The following MBD5 variants were observed in gnomAD, a reference collection of about 807,000 sequenced individuals.
MBD5 encodes the protein methyl-CpG-binding domain protein 5.
Under a neutral mutation model 117.3 loss-of-function variants are expected in MBD5, and 13 were observed. The observed-to-expected ratio is 0.11, with a 90% CI of 0.07 to 0.18. The LOEUF (loss-of-function observed/expected upper bound fraction) is 0.18. Ranked by LOEUF, MBD5 falls within the 10% of genes least tolerant of loss-of-function variation. MBD5 has a pLI of 1.00. For missense variants in MBD5, 1,879 were observed against 2,093.8 expected (o/e 0.90, Z 2.00); for synonymous variants, 727 against 766.4 (o/e 0.95, Z 0.85).
At chr2:148,187,077 T>A (rs917062456) in intron 2 of MBD5, among the ~76,000 whole-genome samples, 18 of 152,092 alleles carry the variant, frequency 1.2e-4, no homozygotes, top group African/African-American at 4.3e-4. Flanking sequence ...GAACCGCTGC[T>A]GGGTACAGTG....
intron 3 of MBD5, among the ~76,000 whole-genome samples, chr2:148,321,672 T>C (rs553960714): frequency 6.6e-6 from 1 of 152,310 alleles, no homozygotes; most frequent in East Asian, 1.9e-4. Context: ...GCATCCCCAG[T>C]ACTTTTTTAC....
chr2:148,305,935 A>T (rs973985006), intron 3 of MBD5, among the ~76,000 whole-genome samples: 2 of 152,120 alleles, frequency 1.3e-5, no homozygotes, highest in African/African-American at 2.4e-5. Flanking sequence ...ATTTTTTACA[A>T]TCTCCCCCCT....
intron 12 of MBD5, among the ~76,000 whole-genome samples, chr2:148,507,486 G>T (rs187883991): frequency 9.9e-5 from 15 of 152,146 alleles, no homozygotes; most frequent in African/African-American, 3.1e-4. Context: ...TGGGCCGGGC[G>T]CGGTGGCTCA....
At chr2:148,254,792 T>TA (rs1161063659) in intron 3 of MBD5, among the ~76,000 whole-genome samples, 1 of 152,184 alleles carries the variant, frequency 6.6e-6, no homozygotes, top group Non-Finnish European at 1.5e-5. Flanking sequence ...ACAGTGGTGT[T>TA]ACCACAGTGT....
chr2:148,394,052 CTGATT>C (rs1362555749), intron 4 of MBD5, among the ~76,000 whole-genome samples: 1 of 152,126 alleles, frequency 6.6e-6, no homozygotes, highest in Non-Finnish European at 1.5e-5. Context: ...TACAAATGTT[CTGATT>C]TAAGATATAC....
Position 148,468,636 on chromosome 2 carries a change from A to T in MBD5, c.693A>T (p.Ile231=), listed in dbSNP as rs1016661590. 9 of 1,613,824 alleles carry T rather than the reference A, an allele frequency of 5.6e-6. No homozygotes were observed. The highest frequency in any genetic ancestry group is 1.3e-5 in the African/African-American group (1 of 74,904). Residue 231 remains isoleucine (I), a synonymous_variant, in exon 8 of 14, where the codon ATA becomes ATT. Transcript: ENST00000642680. ...LPSPASSGSQ[I]YGDGSISPRT... ...GCCCAGCGTCATCAGGTTCCCAGAT[A>T]TATGGAGATGGTTCAATCTCTCCAA...
In MBD5 at chr2:148,064,610, C is replaced by G. The variant is rs186361766; in HGVS notation, c.-925+42926C>G. On this transcript the variant is annotated intron_variant, in intron 1 of 13. Transcript: ENST00000642680. ...ACCGATTCTCCCAGCCCCAACCCTG[C>G]CTATTCCCAGCTATTAATTATTTTG... Among the ~76,000 whole-genome samples the G allele has an allele frequency of 3.4e-3, 515 of 152,262 alleles. 5 individuals carry two copies. Among genetic ancestry groups the G allele is most frequent in the Non-Finnish European group, 6.5e-4 (44 of 68,010 alleles).
intron 4 of MBD5, among the ~76,000 whole-genome samples, chr2:148,360,294 C>A (rs767031553): frequency 1.8e-4 from 28 of 152,130 alleles, no homozygotes; most frequent in Admixed American, 6.5e-4. Context: ...GGATTTTTCC[C>A]TAAAGTGCAT....
chr2:148,336,383 CTTCTTTTCT>C (rs1193050078), intron 3 of MBD5, among the ~76,000 whole-genome samples: 2 of 151,978 alleles, frequency 1.3e-5, no homozygotes, highest in African/African-American at 2.4e-5. Context: ...CCCTTCTACT[CTTCTTTTCT>C]TTCTTTTCTT....
At chr2:148,092,531 T>C (rs1350397341) in intron 1 of MBD5, among the ~76,000 whole-genome samples, 2 of 151,956 alleles carry the variant, frequency 1.3e-5, no homozygotes, top group Non-Finnish European at 2.9e-5. Context: ...CTGGATGGAG[T>C]GGGGACCGTT....
intron 4 of MBD5, among the ~76,000 whole-genome samples, chr2:148,416,237 C>T (rs1052068120): frequency 6.6e-6 from 1 of 152,172 alleles, no homozygotes; most frequent in Admixed American, 6.5e-5. Flanking sequence ...CAAGGCTCAG[C>T]TCAGCACTCA....
At chr2:148,051,604 AGT>A (rs59584574) in intron 1 of MBD5, among the ~76,000 whole-genome samples, 3,994 of 139,130 alleles carry the variant, frequency 0.029, 77 homozygotes, top group African/African-American at 0.055. Flanking sequence ...CTGTTTGTTG[AGT>A]GTGTGTGTGT....
chr2:148,290,199 C>G (rs993409136), intron 3 of MBD5, among the ~76,000 whole-genome samples: 1 of 148,650 alleles, frequency 6.7e-6, no homozygotes, highest in Admixed American at 6.8e-5. Flanking sequence ...CTCAGGTGAC[C>G]TACCTGCCTC....
At chr2:148,315,687 T>C (rs1702141825) in intron 3 of MBD5, among the ~76,000 whole-genome samples, 2 of 152,192 alleles carry the variant, frequency 1.3e-5, no homozygotes, top group Non-Finnish European at 2.9e-5. Flanking sequence ...GATAAATCCA[T>C]TCCTCTACCC....
chr2:148,180,248 A>G (rs897018209), intron 2 of MBD5, among the ~76,000 whole-genome samples: 1 of 149,754 alleles, frequency 6.7e-6, no homozygotes, highest in African/African-American at 2.4e-5. Flanking sequence ...AGAGCTATTC[A>G]ATTGTTTTCT....
At chr2:148,110,362 C>G (rs1696478343) in intron 1 of MBD5, among the ~76,000 whole-genome samples, 1 of 152,106 alleles carries the variant, frequency 6.6e-6, no homozygotes, top group African/African-American at 2.4e-5. Context: ...GAAATGTGGT[C>G]AGGAATGAAA....
chr2:148,439,737 CTTTT>C (rs761911302), intron 4 of MBD5, among the ~76,000 whole-genome samples: 2 of 130,664 alleles, frequency 1.5e-5, no homozygotes, highest in Non-Finnish European at 3.2e-5. Context: ...CATTCTCTCT[CTTTT>C]TTTTTTTTTT....
chr2:148,145,207 G>A (rs908698785), intron 1 of MBD5, among the ~76,000 whole-genome samples: 3 of 152,146 alleles, frequency 2.0e-5, no homozygotes, highest in Non-Finnish European at 4.4e-5. Context: ...TCTCTTTGAA[G>A]CAATTGTGAA....
intron 4 of MBD5, among the ~76,000 whole-genome samples, chr2:148,441,850 T>C (rs1184954118): frequency 1.3e-5 from 2 of 152,156 alleles, no homozygotes; most frequent in African/African-American, 4.8e-5. Context: ...ATTTCTCTGT[T>C]GGCCAGTGAT....
Sources: allele counts gnomAD v4.1 joint callset (sites outside exome capture counted in the v4.1 genomes callset), GRCh38; gene constraint gnomAD v4.1.1; transcripts MANE v1.5; gene names NCBI Gene and HGNC (gene_info 2026-07-23, HGNC 2026-07-21).